Variants in HINFP observed in about 807,000 individuals in gnomAD.
The protein encoded by HINFP is histone H4 transcription factor, also known as MBD2 (methyl-CpG-binding protein)-interacting zinc finger protein.
In HINFP, 20 loss-of-function variants were observed where a neutral mutation model predicts 50.1. The observed-to-expected ratio is 0.40, with a 90% CI of 0.28 to 0.58. The LOEUF is 0.58. HINFP is among the 20% of genes least tolerant of loss of function. HINFP has a pLI of 0.45. For synonymous variants in HINFP, 247 were observed against 243.7 expected, an observed-to-expected ratio of 1.01 and a Z score of -0.13; for missense variants, 505 against 664.1, an observed-to-expected ratio of 0.76 and a Z score of 2.63.
chr11:119,129,167 A>G (rs627651), intron 2 of HINFP, among the ~76,000 whole-genome samples: 56,071 of 151,632 alleles, frequency 0.37, 11,636 homozygotes, highest in Admixed American at 0.51. Flanking sequence ...CAGCCTCCCA[A>G]GTAGCTGAGA....
At position 119,131,899 on chromosome 11, in the gene HINFP, T is replaced by C. The variant is rs1375180812; in HGVS notation, c.593T>C (p.Val198Ala). Residue 198 changes from valine (V) to alanine (A), a missense_variant, in exon 5 of 10, where the codon GTG becomes GCG. Transcript: ENST00000350777. This position sits in a 1 kb window ranked among gnomAD's most constrained non-coding sequence, Gnocchi z 4.2. ...CTCCGCAGCCATACCCAGGAGAAAGTGGTAGCCTGCCCCACCTGTGGGGGC... is the reference window on the plus strand; with the variant it reads ...CTCCGCAGCCATACCCAGGAGAAAGCGGTAGCCTGCCCCACCTGTGGGGGC... Reference protein sequence around the residue: ...EHLRSHTQEKVVACPTCGGMF... With the variant: ...EHLRSHTQEKAVACPTCGGMF... 1 of 1,614,046 alleles carries C rather than the reference T, an allele frequency of 6.2e-7. No individual in the cohort carries two copies. The highest frequency in any genetic ancestry group is 1.3e-5 in the African/African-American group (1 of 74,910).
chr11:119,131,760 A>G lies in HINFP; in HGVS notation c.524-70A>G. On this transcript the variant is annotated intron_variant, in intron 4 of 9. Coordinates refer to ENST00000350777, the MANE Select transcript of HINFP (RefSeq NM_198971.3). The surrounding 1 kb of genome is among the most constrained non-coding windows in gnomAD (Gnocchi z 4.2). ...GCAAGGTTGACTGCCGGCTGGAGAG[A>G]CTCAGGGGTACCAGATCCTAGGCAA... 1.9e-6 allele frequency: 3 copies of G among 1,606,744 alleles called. No individual in the cohort carries two copies. The highest frequency in any genetic ancestry group is 2.6e-6 in the Non-Finnish European group (3 of 1,174,704).
chr11:119,125,753 C>A (rs1947360593), intron 1 of HINFP: 1 of 152,184 alleles, frequency 6.6e-6, no homozygotes, highest in Non-Finnish European at 1.5e-5. Flanking sequence ...ATAAACTACA[C>A]AGATACGGCT....
intron 2 of HINFP, among the ~76,000 whole-genome samples, chr11:119,129,547 GCCT>G (rs1947637714): frequency 6.9e-6 from 1 of 144,672 alleles, no homozygotes; most frequent in African/African-American, 2.6e-5. Flanking sequence ...TGCAAGGTCC[GCCT>G]CCCGGGTTCA....
At position 119,131,044 on chromosome 11, in the gene HINFP, C is replaced by A; in HGVS notation, c.411+90C>A. ...CCCTTTCAGGGATGCCTTATATTTC[C>A]AAGATTCCTGCTAGTATCTCTCTTC... On this transcript the variant is annotated intron_variant, in intron 3 of 9. Transcript: ENST00000350777. The surrounding 1 kb of genome is among the most constrained non-coding windows in gnomAD (Gnocchi z 4.2). 1 of 1,028,804 alleles carries A rather than the reference C, an allele frequency of 9.7e-7. No individual in the cohort carries two copies. Among genetic ancestry groups the A allele is most frequent in the South Asian group, 1.3e-5 (1 of 77,364 alleles). 63.7% of individuals were successfully genotyped at this position (1,028,804 alleles called of 1,614,324 possible).
At chr11:119,133,878 A>G (rs1174732284) in intron 9 of HINFP, 28 of 653,838 alleles carry the variant, frequency 4.3e-5, no homozygotes, top group Admixed American at 1.8e-4. Flanking sequence ...GGGTTTCTAT[A>G]TAAAACTTTC....
intron 1 of HINFP, 72 bp from the exon 2 acceptor site, chr11:119,126,863 T>G (rs1947434289): frequency 3.6e-6 from 5 of 1,407,248 alleles, no homozygotes; most frequent in Non-Finnish European, 3.9e-6. Flanking sequence ...GCAGGCTGCC[T>G]GCCCAGCTTT....
intron 1 of HINFP, chr11:119,123,917 C>T (rs1947240573): frequency 6.6e-6 from 1 of 151,950 alleles, no homozygotes; most frequent in Non-Finnish European, 1.5e-5. Flanking sequence ...AATCTCCTGA[C>T]CTTGTGATCC....
chr11:119,134,414 TC>T lies in HINFP; in HGVS notation c.1475del (p.Pro492GlnfsTer17). 1 of 1,613,940 alleles carries T rather than the reference TC, an allele frequency of 6.2e-7. No homozygotes were observed. Among genetic ancestry groups the T allele is most frequent in the Non-Finnish European group, 8.5e-7 (1 of 1,179,958 alleles). On this transcript the variant is annotated frameshift_variant, in exon 10 of 10. Coordinates refer to ENST00000350777, the MANE Select transcript of HINFP (RefSeq NM_198971.3). LOFTEE classifies it low-confidence loss of function (END_TRUNC). This position sits in a 1 kb window ranked among gnomAD's most constrained non-coding sequence, Gnocchi z 4.3. ...YVLSEAPGEP[P>X]PAPEPPSGGI... ...TGCTGTCTGAAGCCCCAGGGGAGCC[TC>T]CCCCAGCCCCTGAGCCACCTTCAGG...
chr11:119,122,407 C>T (rs563807916), intron 1 of HINFP, among the ~76,000 whole-genome samples: 2 of 152,258 alleles, frequency 1.3e-5, no homozygotes, highest in Admixed American at 6.5e-5. Flanking sequence ...ATGGTTTCTG[C>T]TCAGAAGCTT....
Sources: allele counts gnomAD v4.1 joint callset (sites outside exome capture counted in the v4.1 genomes callset), GRCh38; gene constraint gnomAD v4.1.1; non-coding constraint Gnocchi (gnomAD v3.1); transcripts MANE v1.5; gene names NCBI Gene and HGNC (gene_info 2026-07-23, HGNC 2026-07-21).